HSPA4L: variants seen among roughly 807,000 people sequenced by gnomAD.
HSPA4L encodes heat shock 70 kDa protein 4L.
A neutral mutation model predicts 100.3 loss-of-function variants in HSPA4L; 48 were observed. That is an observed-to-expected ratio of 0.48 (90% confidence interval 0.38 to 0.61). The LOEUF (loss-of-function observed/expected upper bound fraction) is 0.61, where lower values mean the gene tolerates loss of function less well. Ranked by LOEUF, HSPA4L falls within the 20% of genes least tolerant of loss-of-function variation. HSPA4L has a pLI of 0.00. For synonymous variants in HSPA4L, 319 were observed against 328.2 expected, an observed-to-expected ratio of 0.97 and a Z score of 0.30; for missense variants, 886 against 988.6, an observed-to-expected ratio of 0.90 and a Z score of 1.39.
In HSPA4L at chr4:127,795,997, T is replaced by C. The variant is rs1012964487; in HGVS notation, c.306+89T>C. 130 of 1,302,008 alleles carry C rather than the reference T, an allele frequency of 1.0e-4. 1 individual carries two copies. The highest frequency in any genetic ancestry group is 1.3e-4 in the Non-Finnish European group (122 of 921,004). The allele number at this position is 1,302,008 out of a possible 1,614,324, so 80.7% of individuals were successfully genotyped here. On this transcript the variant is annotated intron_variant, in intron 3 of 18. Transcript: ENST00000296464. ...ATTGCTATTTGTAGTTTGACCTTTT[T>C]CCTCTAGATACAGTACATACACACC...
At position 127,803,673 on chromosome 4, in the gene HSPA4L, T is replaced by C. The variant is rs2148785663; in HGVS notation, c.708T>C (p.Phe236=). 1 of 1,613,790 alleles carries C rather than the reference T, an allele frequency of 6.2e-7. No individual in the cohort carries two copies. Among genetic ancestry groups the C allele is most frequent in the East Asian group, 2.2e-5 (1 of 44,842 alleles). ...ATCCATATTTGGGTGGCAGGAACTT[T>C]GATGAGGCTTTAGTAGACTACTTCT... ...TFDPYLGGRN[F]DEALVDYFCD... Residue 236 remains phenylalanine (F), a synonymous_variant, in exon 7 of 19, where the codon TTT becomes TTC. Transcript: ENST00000296464.
intron 18 of HSPA4L, among the ~76,000 whole-genome samples, chr4:127,831,520 AAAAG>A (rs1347813670): frequency 1.3e-5 from 2 of 151,484 alleles, no homozygotes; most frequent in Non-Finnish European, 2.9e-5. Flanking sequence ...AAAAAAAAAA[AAAAG>A]GAAGCAATCT....
intron 17 of HSPA4L, among the ~76,000 whole-genome samples, chr4:127,828,069 G>A (rs915821183): frequency 2.9e-4 from 44 of 151,996 alleles, no homozygotes; most frequent in Admixed American, 2.8e-3. Context: ...TTTAGGCTTT[G>A]TAGTTTTTAC....
intron 1 of HSPA4L, 49 bp downstream of exon 1, chr4:127,782,706 C>G: frequency 7.4e-7 from 1 of 1,346,608 alleles, no homozygotes; most frequent in East Asian, 2.4e-5. Flanking sequence ...ACGTTTTTCT[C>G]TCCCGTCCTT....
chr4:127,836,546 G>A lies in HSPA4L; in HGVS notation c.*3672G>A, dbSNP rs1257289274. On this transcript the variant is annotated 3_prime_UTR_variant, in exon 19 of 19. Coordinates refer to ENST00000296464, the MANE Select transcript of HSPA4L (RefSeq NM_014278.4). Reference sequence around the variant, plus strand: ...TTTGGGAGGGAGGCGTCAATTTTTAGTATATTTGTGATTAATTCCATGATA... The same window carrying A: ...TTTGGGAGGGAGGCGTCAATTTTTAATATATTTGTGATTAATTCCATGATA... The A allele has an allele frequency of 6.6e-6, 1 of 151,898 alleles. No individual in the cohort carries two copies. The highest frequency in any genetic ancestry group is 1.5e-5 in the Non-Finnish European group (1 of 67,976). 9.4% of individuals were successfully genotyped at this position (151,898 alleles called of 1,614,324 possible).
At chr4:127,812,631 C>T in intron 12 of HSPA4L, 1 of 654,518 alleles carries the variant, frequency 1.5e-6, no homozygotes, top group Non-Finnish European at 2.7e-6. Context: ...TGGAAGTCTG[C>T]CCTAGATTTT....
rs1732580754 is a variant in HSPA4L, at chr4:127,782,355, C to T, written c.-196C>T. 2 of 572,358 alleles carry T rather than the reference C, an allele frequency of 3.5e-6. No individual in the cohort carries two copies. Among genetic ancestry groups the T allele is most frequent in the Non-Finnish European group, 6.3e-6 (2 of 319,732 alleles). 35.5% of individuals were successfully genotyped at this position (572,358 alleles called of 1,614,324 possible). ...AAGACCCAGGCTGCGGGACGCGGTG[C>T]AGGCTGCGGCGCTGACGGCCTCTGC... On this transcript the variant is annotated 5_prime_UTR_variant, in exon 1 of 19. Coordinates refer to ENST00000296464, the MANE Select transcript of HSPA4L (RefSeq NM_014278.4).
rs928613195 is a variant in HSPA4L at position 127,836,631 on chromosome 4, C to T, written c.*3757C>T. 5 of 151,830 alleles carry T rather than the reference C, an allele frequency of 3.3e-5. No individual in the cohort carries two copies. The highest frequency in any genetic ancestry group is 1.2e-4 in the African/African-American group (5 of 41,356). 9.4% of individuals were successfully genotyped at this position (151,830 alleles called of 1,614,324 possible). A position where few individuals can be genotyped will look rare whatever the true frequency, so the allele number is the denominator to read the frequency against. Reference sequence around the variant, plus strand: ...TTAACATAATGTCAGTGTTAAAGCACTTAATCCAAATTAGCCCATCTTTAA... The same window carrying T: ...TTAACATAATGTCAGTGTTAAAGCATTTAATCCAAATTAGCCCATCTTTAA... On this transcript the variant is annotated 3_prime_UTR_variant, in exon 19 of 19. Coordinates refer to ENST00000296464, the MANE Select transcript of HSPA4L (RefSeq NM_014278.4).
chr4:127,809,947 T>G (rs905346034), intron 11 of HSPA4L, among the ~76,000 whole-genome samples: 1 of 152,218 alleles, frequency 6.6e-6, no homozygotes, highest in Non-Finnish European at 1.5e-5. Context: ...ACAGTCAACA[T>G]GTATCATCCT....
chr4:127,821,195 A>G (rs1733804456), intron 14 of HSPA4L, among the ~76,000 whole-genome samples: 2 of 152,044 alleles, frequency 1.3e-5, no homozygotes, highest in Admixed American at 1.3e-4. Flanking sequence ...TACCTATATC[A>G]TCTATTCATT....
intron 18 of HSPA4L, among the ~76,000 whole-genome samples, chr4:127,831,275 C>T (rs567007644): frequency 1.2e-4 from 18 of 151,982 alleles, no homozygotes; most frequent in Non-Finnish European, 1.6e-4. Context: ...TTGAGACAGG[C>T]GGACTGCTTG....
intron 3 of HSPA4L, among the ~76,000 whole-genome samples, chr4:127,797,274 G>A (rs1578695422): frequency 6.6e-6 from 1 of 152,110 alleles, no homozygotes; most frequent in South Asian, 2.1e-4. Context: ...CTAGTTAATG[G>A]TTACCTAGAG....
At chr4:127,801,377 T>C in intron 5 of HSPA4L, 140 bp downstream of exon 5, 1 of 635,804 alleles carries the variant, frequency 1.6e-6, no homozygotes, top group Non-Finnish European at 2.7e-6. Context: ...TGCAGTGAGC[T>C]ATGATCATAC....
chr4:127,783,389 G>A (rs746067256), intron 1 of HSPA4L: 3 of 536,998 alleles, frequency 5.6e-6, no homozygotes, highest in Non-Finnish European at 7.1e-6. Flanking sequence ...GACCAAAAGC[G>A]TGTTTCTGCA....
intron 12 of HSPA4L, chr4:127,813,471 T>C (rs1733595417): frequency 3.3e-6 from 1 of 299,804 alleles, no homozygotes; most frequent in African/African-American, 2.2e-5. Flanking sequence ...TATTTGTTAG[T>C]GAAGGTACAG....
intron 8 of HSPA4L, among the ~76,000 whole-genome samples, chr4:127,804,772 A>G (rs930469642): frequency 6.6e-6 from 1 of 152,152 alleles, no homozygotes; most frequent in African/African-American, 2.4e-5. Flanking sequence ...AATATCTTCT[A>G]TAGGGATTTA....
chr4:127,831,174 G>A (rs1042292882), intron 18 of HSPA4L, among the ~76,000 whole-genome samples: 17 of 152,086 alleles, frequency 1.1e-4, no homozygotes, highest in African/African-American at 1.2e-4. Flanking sequence ...ATCTTATTCC[G>A]AGATAAACTT....
chr4:127,818,262 T>C (rs1354464070), intron 12 of HSPA4L, 63 bp from the exon 13 acceptor site: 4 of 1,139,618 alleles, frequency 3.5e-6, no homozygotes, highest in African/African-American at 1.5e-5. Context: ...TAAGATGCAG[T>C]TTACATTTTT....
chr4:127,796,367 GATTA>G (rs1203735443), intron 3 of HSPA4L, among the ~76,000 whole-genome samples: 1 of 152,070 alleles, frequency 6.6e-6, no homozygotes, highest in Admixed American at 6.6e-5. Flanking sequence ...GATAGTTGTA[GATTA>G]GTTAACCAAA....
Sources: allele counts gnomAD v4.1 joint callset (sites outside exome capture counted in the v4.1 genomes callset), GRCh38; gene constraint gnomAD v4.1.1; transcripts MANE v1.5; gene names NCBI Gene and HGNC (gene_info 2026-07-23, HGNC 2026-07-21).